The following FGFRL1 variants were observed in gnomAD, a reference collection of about 807,000 sequenced individuals.
The protein encoded by FGFRL1 is fibroblast growth factor receptor-like 1.
FGFRL1 carries 24 observed loss-of-function variants against 36.8 expected under a neutral mutation model. The ratio of observed to expected loss-of-function variants is 0.65; its 90% confidence interval spans 0.47 to 0.92. The LOEUF is 0.92. Among genes scored for constraint, FGFRL1 ranks in the 40% least tolerant of loss-of-function variants. The pLI is 0.00. For missense variants in FGFRL1, 785 were observed against 753.4 expected (o/e 1.04, Z -0.49); for synonymous variants, 422 against 344.1 (o/e 1.23, Z -2.50).
intron 1 of FGFRL1, 56 bp from the exon 2 acceptor site, chr4:1,012,414 G>C (rs577999274): frequency 3.2e-6 from 5 of 1,561,674 alleles, no homozygotes; most frequent in Non-Finnish European, 4.3e-6. Flanking sequence ...CCGGGACCGG[G>C]GAGGGCGGTA....
Position 1,025,373 on chromosome 4 carries a change from G to T in FGFRL1, c.*26G>T, listed in dbSNP as rs1410341137. 3 of 1,517,064 alleles carry T rather than the reference G, an allele frequency of 2.0e-6. No individual in the cohort carries two copies. In the African/African-American group the frequency reaches 4.1e-5, roughly 21 times the overall value. The allele number at this position is 1,517,064 out of a possible 1,614,324, so 94.0% of individuals were successfully genotyped here. A position where few individuals can be genotyped will look rare whatever the true frequency, so the allele number is the denominator to read the frequency against. ...ACGGCACCGTATCTGCAGTGGGCAC[G>T]GGGGGGCCGGCCAGACAGGCAGACT... On this transcript the variant is annotated 3_prime_UTR_variant, in exon 7 of 7. Coordinates refer to ENST00000510644, the MANE Select transcript of FGFRL1 (RefSeq NM_001004356.3).
rs779210431 is a variant in FGFRL1, at chr4:1,025,745, G to A, written c.*398G>A. The A allele has an allele frequency of 1.2e-4, 35 of 284,660 alleles. No homozygotes were observed. Among genetic ancestry groups the A allele is most frequent in the Non-Finnish European group, 2.1e-4 (32 of 150,184 alleles). The allele number at this position is 284,660 out of a possible 1,614,324, so 17.6% of individuals were successfully genotyped here. On this transcript the variant is annotated 3_prime_UTR_variant, in exon 7 of 7. Transcript: ENST00000510644. ...GCTGCCTGGACACACACACACACACGGATATGCTGTCTGGACGCACACACG... is the reference window on the plus strand; with the variant it reads ...GCTGCCTGGACACACACACACACACAGATATGCTGTCTGGACGCACACACG...
intron 2 of FGFRL1, among the ~76,000 whole-genome samples, chr4:1,016,475 A>G (rs1715892674): frequency 6.6e-6 from 1 of 152,040 alleles, no homozygotes; most frequent in Non-Finnish European, 1.5e-5. Flanking sequence ...CTGCCTGATG[A>G]TGCTCTGGTG....
chr4:1,024,040 C>A lies in FGFRL1; in HGVS notation c.657C>A (p.Tyr219Ter). ...TGCGGCCGGAGGACAGCGGCAAATA[C>A]ACCTGCCGCGTGTCGAACCGCGCGG... ...KNLRPEDSGK[Y>*]TCRVSNRAGA... is the part of the protein sequence containing the mutation. The change falls in exon 5 of 7, where the codon TAC becomes TAA. Residue 219 changes from tyrosine to a stop codon, truncating the protein, a stop_gained. Coordinates refer to ENST00000510644, the MANE Select transcript of FGFRL1 (RefSeq NM_001004356.3). LOFTEE classifies it high-confidence loss of function. 1.2e-6 allele frequency: 2 copies of A among 1,607,170 alleles called. No individual in the cohort carries two copies. The highest frequency in any genetic ancestry group is 1.7e-6 in the Non-Finnish European group (2 of 1,178,610).
In FGFRL1 at chr4:1,024,939, G is replaced by C; in HGVS notation, c.1107G>C (p.Ser369=). Residue 369 remains serine, a synonymous_variant, in exon 7 of 7, where the codon TCG becomes TCC. Coordinates refer to ENST00000510644, the MANE Select transcript of FGFRL1 (RefSeq NM_001004356.3). ...PKPPGPPVAS[S]SSATSLPWPV... ...CGCCAGGGCCACCTGTGGCCTCCTC[G>C]TCCTCGGCCACTAGCCTGCCGTGGC... The C allele has an allele frequency of 6.2e-7, 1 of 1,602,590 alleles. No homozygotes were observed. Among genetic ancestry groups the C allele is most frequent in the Non-Finnish European group, 8.5e-7 (1 of 1,177,006 alleles).
Position 1,012,419 on chromosome 4 carries a change from G to T in FGFRL1, c.-16-51G>T, listed in dbSNP as rs1339994002. 1.3e-5 allele frequency: 20 copies of T among 1,564,734 alleles called. No individual in the cohort carries two copies. In the African/African-American group the frequency reaches 2.3e-4, roughly 18 times the overall value. On this transcript the variant is annotated intron_variant, in intron 1 of 6. Transcript: ENST00000510644. ...TCCCCGCGGCCCGGGACCGGGGAGGGCGGTATCTCCCAGTTCCACGTGTTA... is the reference window on the plus strand; with the variant it reads ...TCCCCGCGGCCCGGGACCGGGGAGGTCGGTATCTCCCAGTTCCACGTGTTA...
chr4:1,012,426 C>T (rs1715640519), intron 1 of FGFRL1, 44 bp from the exon 2 acceptor site: 4 of 1,568,214 alleles, frequency 2.6e-6, no homozygotes, highest in Non-Finnish European at 3.4e-6. Flanking sequence ...AGGGCGGTAT[C>T]TCCCAGTTCC....
chr4:1,023,739 G>T lies in FGFRL1; in HGVS notation c.433+18G>T, dbSNP rs778473149. 6.4e-7 allele frequency: 1 copy of T among 1,553,504 alleles called. No homozygotes were observed. The highest frequency in any genetic ancestry group is 8.7e-7 in the Non-Finnish European group (1 of 1,149,830). ...GCAGTGGGGTGAGCAGGGGGTGACG[G>T]GGGTGGGGGGCGTCCGTCTGTCCCG... On this transcript the variant is annotated intron_variant, in intron 4 of 6. Coordinates refer to ENST00000510644, the MANE Select transcript of FGFRL1 (RefSeq NM_001004356.3). The surrounding 1 kb of genome is among the most constrained non-coding windows in gnomAD (Gnocchi z 6.0).
At position 1,022,228 on chromosome 4, in the gene FGFRL1, G is replaced by T; in HGVS notation, c.105G>T (p.Val35=). ...GCCCCCCAAAGATGGCGGACAAGGT[G>T]GTCCCACGGCAGGTGGCCCGGCTGG... The part of the protein sequence containing the change: ...ARGPPKMADK[V]VPRQVARLGR... The change falls in exon 3 of 7, where the codon GTG becomes GTT. Residue 35 remains valine, a synonymous_variant. Coordinates refer to ENST00000510644, the MANE Select transcript of FGFRL1 (RefSeq NM_001004356.3). The T allele has an allele frequency of 6.5e-7, 1 of 1,548,256 alleles. No individual in the cohort carries two copies. The highest frequency in any genetic ancestry group is 1.9e-5 in the Admixed American group (1 of 53,618).
At chr4:1,014,025 G>A (rs1249396479) in intron 2 of FGFRL1, among the ~76,000 whole-genome samples, 1 of 152,254 alleles carries the variant, frequency 6.6e-6, no homozygotes, top group Non-Finnish European at 1.5e-5. Context: ...CTTCCGGACT[G>A]TGCTGATTTT....
chr4:1,024,559 C>A lies in FGFRL1; in HGVS notation c.967C>A (p.Leu323Met). 6.2e-7 allele frequency: 1 copy of A among 1,612,510 alleles called. No individual in the cohort carries two copies. Among genetic ancestry groups the A allele is most frequent in the Non-Finnish European group, 8.5e-7 (1 of 1,179,858 alleles). Residue 323 changes from leucine to methionine, a missense_variant, in exon 6 of 7, where the codon CTG (leucine) becomes ATG (methionine). Physicochemically the swap from Leu to Met is conservative, Grantham distance 15. Transcript: ENST00000510644. ...GCCCGACGGCTCCTACCTCAATAAG[C>A]TGCTCATCACCCGTGCCCGCCAGGA... ...SRPDGSYLNK[L>M]LITRARQDDA...
At chr4:1,012,698 C>G in intron 2 of FGFRL1, 134 bp downstream of exon 2, 1 of 421,356 alleles carries the variant, frequency 2.4e-6, no homozygotes, top group Non-Finnish European at 4.1e-6. Context: ...TCGCCAGGCC[C>G]CCTTCCTTCC....
upstream of FGFRL1, among the ~76,000 whole-genome samples, chr4:1,010,515 C>T (rs1715530245): frequency 2.0e-5 from 3 of 152,262 alleles, no homozygotes; most frequent in South Asian, 6.2e-4. Context: ...TGCCAGGCCT[C>T]TCCAGTTTCA....
intron 2 of FGFRL1, among the ~76,000 whole-genome samples, chr4:1,013,225 G>A (rs1156737005): frequency 1.3e-5 from 2 of 152,230 alleles, no homozygotes; most frequent in Non-Finnish European, 2.9e-5. Context: ...GCCATGCCCT[G>A]GGACCCAGCC....
chr4:1,010,420 T>A (rs141306374), upstream of FGFRL1, among the ~76,000 whole-genome samples: 51 of 152,204 alleles, frequency 3.4e-4, 2 homozygotes, highest in East Asian at 8.1e-3. Context: ...GACGGCCGGG[T>A]AGTTCGGGCC....
intron 2 of FGFRL1, among the ~76,000 whole-genome samples, chr4:1,014,325 T>C (rs1253190607): frequency 6.6e-6 from 1 of 152,274 alleles, no homozygotes; most frequent in African/African-American, 2.4e-5. Flanking sequence ...TCCCTTTCCA[T>C]TTTATTTCTC....
intron 2 of FGFRL1, 102 bp downstream of exon 2, chr4:1,012,666 T>G: frequency 2.2e-6 from 1 of 455,740 alleles, no homozygotes; most frequent in Non-Finnish European, 3.6e-6. Flanking sequence ...GCACGCGCCA[T>G]GCCCCGCCCC....
intron 2 of FGFRL1, among the ~76,000 whole-genome samples, chr4:1,016,948 A>G (rs866831972): frequency 6.6e-6 from 1 of 152,068 alleles, no homozygotes; most frequent in South Asian, 2.1e-4. Flanking sequence ...GGGGCCTGGC[A>G]CAGCCACATA....
rs1715602214 is a variant in FGFRL1 at position 1,011,880 on chromosome 4, G to A, written c.-91G>A. On this transcript the variant is annotated 5_prime_UTR_variant, in exon 1 of 7. Coordinates refer to ENST00000510644, the MANE Select transcript of FGFRL1 (RefSeq NM_001004356.3). Reference sequence around the variant, plus strand: ...GGGGCGGCGGGATGCGGCGCCCGGGGCGGCGATGACCGCGGAGCGCACGCC... The same window carrying A: ...GGGGCGGCGGGATGCGGCGCCCGGGACGGCGATGACCGCGGAGCGCACGCC... The A allele has an allele frequency of 6.9e-6, 1 of 145,352 alleles. No individual in the cohort carries two copies. Among genetic ancestry groups the A allele is most frequent in the African/African-American group, 2.5e-5 (1 of 40,556 alleles). The allele number at this position is 145,352 out of a possible 1,614,324, so 9.0% of individuals were successfully genotyped here. A position where few individuals can be genotyped will look rare whatever the true frequency, so the allele number is the denominator to read the frequency against.
Sources: gnomAD v4.1 joint callset for allele counts (sites outside exome capture counted in the v4.1 genomes callset) on GRCh38, gnomAD v4.1.1 for gene constraint, Gnocchi (gnomAD v3.1) non-coding constraint, MANE v1.5 for transcripts, NCBI Gene and HGNC (gene_info 2026-07-23, HGNC 2026-07-21) for gene names.